Variants in ABLIM1 observed in about 807,000 individuals in gnomAD.
ABLIM1 encodes actin-binding LIM protein 1.
ABLIM1 carries 40 observed loss-of-function variants against 107.0 expected under a neutral mutation model. That is an observed-to-expected ratio of 0.37 (90% CI 0.29 to 0.49). The LOEUF (loss-of-function observed/expected upper bound fraction) is 0.49. Ranked by LOEUF, ABLIM1 falls within the 20% of genes least tolerant of loss-of-function variation. ABLIM1 has a pLI of 0.97. For missense variants in ABLIM1, 857 were observed against 1,008.5 expected, an observed-to-expected ratio of 0.85 and a Z score of 2.04; for synonymous variants, 357 against 357.3, an observed-to-expected ratio of 1.00 and a Z score of 0.01.
chr10:114,655,309 CGG>C (rs2079449325), intron 1 of ABLIM1, among the ~76,000 whole-genome samples: 3 of 152,196 alleles, frequency 2.0e-5, no homozygotes, highest in Admixed American at 2.0e-4. Flanking sequence ...AGAACTCTCT[CGG>C]ATACTGTTAA....
chr10:114,728,350 C>A (rs547875991), intron 1 of ABLIM1, among the ~76,000 whole-genome samples: 7 of 151,964 alleles, frequency 4.6e-5, no homozygotes, highest in Admixed American at 4.6e-4. Flanking sequence ...TCCGAAACCC[C>A]AATAGTTCCT....
chr10:114,592,468 G>A (rs1360957862), intron 2 of ABLIM1, among the ~76,000 whole-genome samples: 1 of 152,180 alleles, frequency 6.6e-6, no homozygotes, highest in East Asian at 1.9e-4. Context: ...AGGTCAAATT[G>A]AGGTCTGTGG....
intron 1 of ABLIM1, among the ~76,000 whole-genome samples, chr10:114,766,476 C>A (rs1161110505): frequency 6.6e-6 from 1 of 152,128 alleles, no homozygotes; most frequent in East Asian, 1.9e-4. Context: ...ATCTCTGGGG[C>A]CATCTTCATT....
rs78055294 is a variant in ABLIM1 at position 114,738,805 on chromosome 10, T to C, written c.-213+29256A>G. Among the ~76,000 whole-genome samples, 961 of 151,540 alleles carry C rather than the reference T, an allele frequency of 6.3e-3. 5 individuals are homozygous for C. The highest frequency in any genetic ancestry group is 0.01 in the Non-Finnish European group (702 of 67,944). On this transcript the variant is annotated intron_variant, in intron 1 of 15. Transcript: ENST00000651092. ...ATAAAAAAAAAAAAGTAGGGAGTGC[T>C]AGTTGGTTAGAGGAAGGAAAGATAG...
chr10:114,621,086 A>T (rs969834565), intron 1 of ABLIM1, among the ~76,000 whole-genome samples: 1 of 152,224 alleles, frequency 6.6e-6, no homozygotes, highest in African/African-American at 2.4e-5. Flanking sequence ...CTCCTCAGAC[A>T]GGAGGCATAC....
intron 6 of ABLIM1, among the ~76,000 whole-genome samples, chr10:114,492,123 G>A (rs997955418): frequency 3.3e-5 from 5 of 151,866 alleles, no homozygotes; most frequent in Non-Finnish European, 7.4e-5. Flanking sequence ...CGGTGTTTCT[G>A]GCTTCTATGT....
chr10:114,608,213 A>T lies in ABLIM1; in HGVS notation c.245-6252T>A, dbSNP rs142275033. Among the ~76,000 whole-genome samples the T allele has an allele frequency of 5.8e-3, 885 of 152,266 alleles. 10 individuals are homozygous for T. Among genetic ancestry groups the T allele is most frequent in the Non-Finnish European group, 9.7e-3 (663 of 68,022 alleles). On this transcript the variant is annotated intron_variant, in intron 1 of 22. Coordinates refer to ENST00000533213, the MANE Select transcript of ABLIM1 (RefSeq NM_002313.7). The stretch of plus-strand genomic sequence containing the variant: ...GACCCACCTCTACTAAAAATACAAA[A>T]ATTAGCTGGGCATGGTGGCATGTGC...
chr10:114,517,056 GCTT>G (rs948210712), intron 6 of ABLIM1, among the ~76,000 whole-genome samples: 1 of 152,130 alleles, frequency 6.6e-6, no homozygotes, highest in Admixed American at 6.5e-5. Flanking sequence ...CAAGAACAAG[GCTT>G]TTGCCCCTTT....
upstream of ABLIM1, among the ~76,000 whole-genome samples, chr10:114,661,324 T>C (rs1402286524): frequency 1.3e-5 from 2 of 152,226 alleles, no homozygotes; most frequent in African/African-American, 4.8e-5. Flanking sequence ...AGAGTTCAGA[T>C]GCTGGCAGCA....
intron 15 of ABLIM1, among the ~76,000 whole-genome samples, chr10:114,447,402 A>G (rs1335322916): frequency 6.6e-6 from 1 of 152,232 alleles, no homozygotes; most frequent in Admixed American, 6.5e-5. Context: ...AAGAAAAATG[A>G]AAGTGCTTCA....
chr10:114,625,889 G>C (rs1362830554), intron 1 of ABLIM1, among the ~76,000 whole-genome samples: 1 of 152,216 alleles, frequency 6.6e-6, no homozygotes, highest in East Asian at 1.9e-4. Flanking sequence ...TACTTACCTT[G>C]ATGGGTTCGA....
chr10:114,512,905 AAG>A lies in ABLIM1; in HGVS notation c.895-21029_895-21028del, dbSNP rs1474742481. On this transcript the variant is annotated intron_variant, in intron 6 of 22. Transcript: ENST00000533213. ...GAAGGAAGGAAGGAAGGAAGGAAGG[AAG>A]GAAAGAAAGAGAGAAAGAAAGAGAG... Among the ~76,000 whole-genome samples the A allele has an allele frequency of 2.2e-3, 322 of 143,310 alleles. 1 individual carries two copies. The highest frequency in any genetic ancestry group is 8.6e-3 in the African/African-American group (318 of 36,886). The allele number at this position is 143,310 out of a possible 152,430, so 94.0% of individuals were successfully genotyped here.
intron 6 of ABLIM1, among the ~76,000 whole-genome samples, chr10:114,520,201 T>C (rs983829614): frequency 1.3e-5 from 2 of 152,200 alleles, no homozygotes; most frequent in East Asian, 1.9e-4. Flanking sequence ...ATTGGCTCCA[T>C]GGAGTCACAG....
intron 2 of ABLIM1, among the ~76,000 whole-genome samples, chr10:114,583,454 C>CAAAT: frequency 6.2e-5 from 1 of 16,094 alleles, no homozygotes. Context: ...CACACACACA[C>CAAAT]ACACACACAC....
rs3802731 is a variant in ABLIM1, at chr10:114,433,757, C to T, written c.*2503G>A. ...GTTGTCCCAGTTTTCAGTCTAATGT[C>T]CCCATTCTATGACAGACCCATGTCT... On this transcript the variant is annotated 3_prime_UTR_variant, in exon 23 of 23. Transcript: ENST00000533213. 2 of 152,266 alleles carry T rather than the reference C, an allele frequency of 1.3e-5. No homozygotes were observed. The highest frequency in any genetic ancestry group is 6.5e-5 in the Admixed American group (1 of 15,296). The allele number at this position is 152,266 out of a possible 1,614,324, so 9.4% of individuals were successfully genotyped here.
intron 1 of ABLIM1, among the ~76,000 whole-genome samples, chr10:114,621,120 T>G (rs529879881): frequency 1.3e-5 from 2 of 152,344 alleles, no homozygotes; most frequent in South Asian, 2.1e-4. Context: ...TTTTACCCAC[T>G]TGAGTCCCTT....
At chr10:114,578,975 T>C (rs1476756202) in intron 2 of ABLIM1, among the ~76,000 whole-genome samples, 1 of 151,544 alleles carries the variant, frequency 6.6e-6, no homozygotes, top group African/African-American at 2.4e-5. Flanking sequence ...TTAGTAGAGA[T>C]GGGGTTTCAC....
chr10:114,503,256 G>T (rs1387805848), intron 6 of ABLIM1, among the ~76,000 whole-genome samples: 1 of 152,074 alleles, frequency 6.6e-6, no homozygotes, highest in African/African-American at 2.4e-5. Flanking sequence ...TTCAAGACTG[G>T]CCTGGGTAAC....
chr10:114,491,705 C>T, intron 7 of ABLIM1, 86 bp downstream of exon 7: 1 of 1,324,764 alleles, frequency 7.5e-7, no homozygotes, highest in Non-Finnish European at 1.1e-6. Context: ...TAACATGCCT[C>T]CTTCTCTAAA....
Sources: gnomAD v4.1 joint callset for allele counts (sites outside exome capture counted in the v4.1 genomes callset) on GRCh38, gnomAD v4.1.1 for gene constraint, MANE v1.5 for transcripts, NCBI Gene and HGNC (gene_info 2026-07-23, HGNC 2026-07-21) for gene names.